CCDC172: variants seen among roughly 807,000 people sequenced by gnomAD.
CCDC172 encodes coiled-coil domain containing 172, also known as coiled-coil domain-containing protein 172.
CCDC172 carries 30 observed loss-of-function variants against 38.0 expected under a neutral mutation model. The observed-to-expected ratio is 0.79, with a 90% confidence interval of 0.59 to 1.07. The LOEUF is 1.07. Among genes scored for constraint, CCDC172 ranks in the 50% least tolerant of loss-of-function variants. CCDC172 has a pLI of 0.00. For missense variants in CCDC172, 297 were observed against 290.1 expected (o/e 1.02, Z -0.17); for synonymous variants, 78 against 88.3 (o/e 0.88, Z 0.66).
chr10:116,343,443 C>T (rs1327921441), intron 5 of CCDC172, among the ~76,000 whole-genome samples: 3 of 151,838 alleles, frequency 2.0e-5, no homozygotes, highest in Non-Finnish European at 4.4e-5. Flanking sequence ...CAGTCATCCT[C>T]CCTCCTGGGA....
chr10:116,379,192 ATTT>A (rs151299558), intron 8 of CCDC172, 128 bp from the exon 9 acceptor site: 5 of 501,096 alleles, frequency 1.0e-5, no homozygotes, highest in East Asian at 7.2e-5. Flanking sequence ...CTTTGAATTT[ATTT>A]TTTTTTATAA....
intron 7 of CCDC172, among the ~76,000 whole-genome samples, chr10:116,362,846 A>C (rs1845080637): frequency 6.6e-6 from 1 of 152,182 alleles, no homozygotes. Context: ...ATTCACTAAC[A>C]GAAGTGTCTC....
chr10:116,327,857 A>T (rs1844610061), intron 3 of CCDC172, among the ~76,000 whole-genome samples: 1 of 152,152 alleles, frequency 6.6e-6, no homozygotes. Context: ...TGAAGAACTA[A>T]TCCTAAATTG....
chr10:116,376,662 T>C (rs1275399959), intron 7 of CCDC172, among the ~76,000 whole-genome samples: 2 of 152,200 alleles, frequency 1.3e-5, no homozygotes, highest in African/African-American at 4.8e-5. Context: ...GGCTCTTTGT[T>C]TAAGGTTATT....
intron 7 of CCDC172, among the ~76,000 whole-genome samples, chr10:116,370,319 G>A (rs1177897309): frequency 2.0e-5 from 3 of 151,774 alleles, no homozygotes; most frequent in South Asian, 2.1e-4. Context: ...GACCTTGTAC[G>A]GTTTCATTTT....
chr10:116,333,111 A>G (rs1844686475), intron 3 of CCDC172, among the ~76,000 whole-genome samples: 1 of 151,946 alleles, frequency 6.6e-6, no homozygotes, highest in African/African-American at 2.4e-5. Context: ...TAAGTAATTG[A>G]TTACAATTTT....
intron 7 of CCDC172, among the ~76,000 whole-genome samples, chr10:116,367,069 T>C (rs1845131298): frequency 6.6e-6 from 1 of 152,192 alleles, no homozygotes. Context: ...ATTTTGTCTG[T>C]TAATGAATTA....
chr10:116,344,062 A>C (rs571146153), intron 5 of CCDC172, among the ~76,000 whole-genome samples: 1 of 152,332 alleles, frequency 6.6e-6, no homozygotes, highest in South Asian at 2.1e-4. Context: ...GAAATAATCC[A>C]AAAACAAATA....
At chr10:116,334,375 T>G (rs565528750) in intron 3 of CCDC172, among the ~76,000 whole-genome samples, 4 of 152,308 alleles carry the variant, frequency 2.6e-5, no homozygotes, top group Non-Finnish European at 4.4e-5. Flanking sequence ...TTATTGCAAA[T>G]TATTCCAAAA....
At chr10:116,361,201 T>C (rs1347317016) in intron 7 of CCDC172, among the ~76,000 whole-genome samples, 3 of 151,950 alleles carry the variant, frequency 2.0e-5, no homozygotes, top group Non-Finnish European at 4.4e-5. Context: ...GCCAGACTGA[T>C]CTCGAACTCC....
chr10:116,378,607 A>C (rs1845277535), intron 8 of CCDC172, 97 bp downstream of exon 8: 3 of 859,310 alleles, frequency 3.5e-6, no homozygotes, highest in South Asian at 1.6e-5. Context: ...ACTAGTGTTT[A>C]ATCCCTCTGC....
At chr10:116,360,768 A>C (rs1436343808) in intron 7 of CCDC172, among the ~76,000 whole-genome samples, 1 of 151,884 alleles carries the variant, frequency 6.6e-6, no homozygotes, top group Non-Finnish European at 1.5e-5. Context: ...TCCATCTCTT[A>C]AGTTTTATCA....
chr10:116,348,330 C>T (rs566603803), intron 5 of CCDC172, among the ~76,000 whole-genome samples: 1 of 152,168 alleles, frequency 6.6e-6, no homozygotes, highest in South Asian at 2.1e-4. Context: ...CGTGCCACCA[C>T]ATCTGTTATT....
chr10:116,373,220 C>T (rs1403759374), intron 7 of CCDC172, among the ~76,000 whole-genome samples: 1 of 151,458 alleles, frequency 6.6e-6, no homozygotes, highest in Non-Finnish European at 1.5e-5. Flanking sequence ...CTACCCTGGA[C>T]AACATAGAGA....
intron 7 of CCDC172, among the ~76,000 whole-genome samples, chr10:116,361,428 G>A (rs1845063427): frequency 6.6e-6 from 1 of 152,084 alleles, no homozygotes; most frequent in East Asian, 1.9e-4. Flanking sequence ...CTTCCTTCTA[G>A]AATGGTTGTA....
At chr10:116,346,081 T>A (rs1421823150) in intron 5 of CCDC172, among the ~76,000 whole-genome samples, 2 of 151,848 alleles carry the variant, frequency 1.3e-5, no homozygotes, top group African/African-American at 2.4e-5. Context: ...GATCACAAGG[T>A]CAGGAGTTCA....
At chr10:116,368,796 T>G (rs2134965364) in intron 7 of CCDC172, among the ~76,000 whole-genome samples, 1 of 152,190 alleles carries the variant, frequency 6.6e-6, no homozygotes. Context: ...CAACTAAAAT[T>G]ACCATTTTTA....
intron 3 of CCDC172, among the ~76,000 whole-genome samples, chr10:116,334,243 T>G (rs1356326500): frequency 6.6e-6 from 1 of 152,200 alleles, no homozygotes; most frequent in Non-Finnish European, 1.5e-5. Flanking sequence ...ACTGGAAAAG[T>G]GGGTTTTATT....
At chr10:116,348,564 G>T (rs1318077700) in intron 5 of CCDC172, among the ~76,000 whole-genome samples, 1 of 151,992 alleles carries the variant, frequency 6.6e-6, no homozygotes, top group African/African-American at 2.4e-5. Flanking sequence ...CACAGGATTG[G>T]AGCCTATTCT....
Sources: allele counts gnomAD v4.1 joint callset (sites outside exome capture counted in the v4.1 genomes callset), GRCh38; gene constraint gnomAD v4.1.1; transcripts MANE v1.5; gene names NCBI Gene and HGNC (gene_info 2026-07-23, HGNC 2026-07-21).